The following CHL1 variants were observed in gnomAD, a reference collection of about 807,000 sequenced individuals.
CHL1 encodes cell adhesion molecule L1 like.
Under a neutral mutation model 141.9 loss-of-function variants are expected in CHL1, and 96 were observed. The ratio of observed to expected loss-of-function variants is 0.68; its 90% CI spans 0.57 to 0.80. The LOEUF is 0.80. CHL1 is among the 30% of genes least tolerant of loss of function. The pLI is 0.00. For missense variants in CHL1, 1,820 were observed against 1,457.2 expected (o/e 1.25, Z -4.05); for synonymous variants, 613 against 502.2 (o/e 1.22, Z -2.95).
intron 16 of CHL1, among the ~76,000 whole-genome samples, chr3:379,595 A>G (rs940040813): frequency 3.9e-5 from 6 of 152,100 alleles, no homozygotes; most frequent in African/African-American, 1.4e-4. Flanking sequence ...CGGGTCTCCT[A>G]CTGCTTGGTG....
At chr3:239,617 A>AT (rs921251797) in intron 1 of CHL1, among the ~76,000 whole-genome samples, 1 of 150,174 alleles carries the variant, frequency 6.7e-6, no homozygotes, top group African/African-American at 2.4e-5. Context: ...TTTTAAAATT[A>AT]TTTTTTCATA....
At chr3:240,610 C>T (rs1054775412) in intron 1 of CHL1, among the ~76,000 whole-genome samples, 2 of 152,074 alleles carry the variant, frequency 1.3e-5, no homozygotes, top group African/African-American at 4.8e-5. Context: ...TAAGTCCCAC[C>T]TATTTATCTT....
intron 2 of CHL1, among the ~76,000 whole-genome samples, chr3:284,668 C>T (rs931520730): frequency 6.6e-6 from 1 of 152,110 alleles, no homozygotes; most frequent in Non-Finnish European, 1.5e-5. Flanking sequence ...ATCTTCATGA[C>T]ATTATATGTT....
At chr3:376,640 G>A (rs889117801) in intron 15 of CHL1, among the ~76,000 whole-genome samples, 3 of 152,116 alleles carry the variant, frequency 2.0e-5, no homozygotes, top group African/African-American at 7.2e-5. Flanking sequence ...CCTCGTGCAG[G>A]GCACAGAAGT....
At chr3:280,974 T>C (rs1696594314) in intron 2 of CHL1, among the ~76,000 whole-genome samples, 2 of 152,066 alleles carry the variant, frequency 1.3e-5, no homozygotes, top group Admixed American at 6.6e-5. Context: ...TTCTAATTAA[T>C]GATATCACAT....
At chr3:301,014 C>A (rs1429615598) in intron 2 of CHL1, among the ~76,000 whole-genome samples, 1 of 152,100 alleles carries the variant, frequency 6.6e-6, no homozygotes, top group African/African-American at 2.4e-5. Flanking sequence ...GAGTCCAGAG[C>A]ACTCAGAATT....
rs754852125 is a variant in CHL1, at chr3:319,787, T to C, written c.11T>C (p.Leu4Pro). 6 of 1,605,416 alleles carry C rather than the reference T, an allele frequency of 3.7e-6. No homozygotes were observed. In the Admixed American group the frequency reaches 8.4e-5, roughly 23 times the overall value. The part of the protein sequence containing the change: MEP[L>P]LLGRGLIVYL... The stretch of plus-strand genomic sequence containing the variant: ...TCTTCCTGAAGAGCAATGGAGCCGC[T>C]TTTACTTGGAAGAGGACTAATCGTA... The change falls in exon 3 of 28, where the codon CTT becomes CCT. Residue 4 changes from leucine to proline, a missense_variant. Physicochemically the swap from Leu to Pro is moderately conservative, Grantham distance 98. Transcript: ENST00000256509.
chr3:202,459 T>C (rs942443083), intron 1 of CHL1, among the ~76,000 whole-genome samples: 28 of 152,254 alleles, frequency 1.8e-4, no homozygotes, highest in African/African-American at 6.3e-4. Context: ...GTTTTCGCAA[T>C]AGTTGTTCTT....
Position 401,617 on chromosome 3 carries a change from CTT to C in CHL1, c.3386-4_3386-3del. ...GTATTACTTTTCCCACTTTTTTTCT[CTT>C]TTTTAGTTAAAGAAAAGGAAGATTT... On this transcript the variant is annotated splice_region_variant and splice_polypyrimidine_tract_variant and intron_variant, in intron 26 of 27. Transcript: ENST00000256509. The C allele has an allele frequency of 6.4e-7, 1 of 1,551,312 alleles. No homozygotes were observed. Among genetic ancestry groups the C allele is most frequent in the Non-Finnish European group, 8.8e-7 (1 of 1,134,918 alleles).
At chr3:291,870 T>A (rs1464023974) in intron 2 of CHL1, among the ~76,000 whole-genome samples, 1 of 152,198 alleles carries the variant, frequency 6.6e-6, no homozygotes, top group East Asian at 1.9e-4. Context: ...AGGCTGGTCC[T>A]GTCGAGTCTC....
Position 233,005 on chromosome 3 carries a change from CT to C in CHL1, c.-174-11596del, listed in dbSNP as rs1420508896. The stretch of plus-strand genomic sequence containing the variant: ...AATCAATCTGGTCCTTTCTTTCCTC[CT>C]TTTTTTTTTTTCTTTCTCTCATAAT... On this transcript the variant is annotated intron_variant, in intron 1 of 27. Transcript: ENST00000256509. Among the ~76,000 whole-genome samples, 621 of 145,964 alleles carry C rather than the reference CT, an allele frequency of 4.3e-3. 1 individual carries two copies. Among genetic ancestry groups the C allele is most frequent in the Middle Eastern group, 7.2e-3 (2 of 278 alleles).
intron 10 of CHL1, among the ~76,000 whole-genome samples, chr3:352,907 A>G (rs1164832641): frequency 1.3e-5 from 2 of 152,212 alleles, no homozygotes; most frequent in Non-Finnish European, 2.9e-5. Flanking sequence ...TTCATAAGAT[A>G]ACACTAAATT....
chr3:289,565 T>C (rs552066664), intron 2 of CHL1, among the ~76,000 whole-genome samples: 1 of 152,292 alleles, frequency 6.6e-6, no homozygotes, highest in African/African-American at 2.4e-5. Context: ...TTACTCCTGG[T>C]AGGTAAATAA....
At chr3:258,970 G>A (rs1404058862) in intron 2 of CHL1, among the ~76,000 whole-genome samples, 2 of 99,254 alleles carry the variant, frequency 2.0e-5, no homozygotes, top group Non-Finnish European at 3.9e-5. Context: ...TTCTCCCTTT[G>A]TCACCCAGGC....
At chr3:242,827 A>G (rs1025532661) in intron 1 of CHL1, among the ~76,000 whole-genome samples, 1 of 152,134 alleles carries the variant, frequency 6.6e-6, no homozygotes, top group South Asian at 2.1e-4. Flanking sequence ...GAGCATACAA[A>G]TAAGTTTGAT....
intron 2 of CHL1, among the ~76,000 whole-genome samples, chr3:294,174 CTGGGTGTGG>C (rs1192053901): frequency 6.6e-6 from 1 of 151,902 alleles, no homozygotes; most frequent in Non-Finnish European, 1.5e-5. Flanking sequence ...CAAAAATTAG[CTGGGTGTGG>C]TGGCAGGCAC....
rs1466002354 is a variant in CHL1, at chr3:408,897, G to A, written c.*3186G>A. 3 of 152,056 alleles carry A rather than the reference G, an allele frequency of 2.0e-5. No individual in the cohort carries two copies. Among genetic ancestry groups the A allele is most frequent in the East Asian group, 3.9e-4 (2 of 5,184 alleles). 9.4% of individuals were successfully genotyped at this position (152,056 alleles called of 1,614,324 possible). ...GTTTGTAAAAATGTAGAGCACAATG[G>A]AATTATGCTGGAAGTCTCAAATAAT... On this transcript the variant is annotated 3_prime_UTR_variant, in exon 28 of 28. Coordinates refer to ENST00000256509, the MANE Select transcript of CHL1 (RefSeq NM_006614.4).
At chr3:403,269 A>G (rs1709285966) in intron 27 of CHL1, among the ~76,000 whole-genome samples, 1 of 152,218 alleles carries the variant, frequency 6.6e-6, no homozygotes, top group African/African-American at 2.4e-5. Context: ...AGAGCACCCA[A>G]GTTGGAAGCC....
chr3:354,897 AT>A, intron 11 of CHL1, 126 bp downstream of exon 11: 1 of 1,178,532 alleles, frequency 8.5e-7, no homozygotes, highest in South Asian at 1.6e-5. Flanking sequence ...CAACCAGCAA[AT>A]CAGAGATTGT....
Sources: gnomAD v4.1 joint callset for allele counts (sites outside exome capture counted in the v4.1 genomes callset) on GRCh38, gnomAD v4.1.1 for gene constraint, MANE v1.5 for transcripts, NCBI Gene and HGNC (gene_info 2026-07-23, HGNC 2026-07-21) for gene names.